ABTB2: variants seen among roughly 807,000 people sequenced by gnomAD.
The protein encoded by ABTB2 is ankyrin repeat and BTB/POZ domain-containing protein 2.
Under a neutral mutation model 104.1 loss-of-function variants are expected in ABTB2, and 56 were observed. The observed-to-expected ratio is 0.54, with a 90% CI of 0.43 to 0.67. The LOEUF is 0.67. Among genes scored for constraint, ABTB2 ranks in the 30% least tolerant of loss-of-function variants. The probability of loss-of-function intolerance (pLI) is 0.00; values close to 1 mark genes in which losing one functional copy is unlikely to be tolerated. For synonymous variants in ABTB2, 606 were observed against 608.2 expected (o/e 1.00, Z 0.05); for missense variants, 1,279 against 1,407.7 (o/e 0.91, Z 1.46).
At chr11:34,353,389 G>T (rs1258005018) in intron 1 of ABTB2, among the ~76,000 whole-genome samples, 2 of 152,160 alleles carry the variant, frequency 1.3e-5, no homozygotes, top group African/African-American at 4.8e-5. Context: ...GAGGAGAGAG[G>T]AGAGTAGGGA....
chr11:34,335,205 T>A, intron 1 of ABTB2: 1 of 1,270,452 alleles, frequency 7.9e-7, no homozygotes. Flanking sequence ...CCAGAGACTA[T>A]GACGAATCAC....
Position 34,356,006 on chromosome 11 carries a change from G to A in ABTB2, c.883+695C>T, listed in dbSNP as rs978688379. Among the ~76,000 whole-genome samples the A allele has an allele frequency of 8.5e-5, 13 of 152,200 alleles. No homozygotes were observed. The highest frequency in any genetic ancestry group is 1.8e-4 in the Non-Finnish European group (12 of 68,038). On this transcript the variant is annotated intron_variant, in intron 1 of 16. Coordinates refer to ENST00000435224, the MANE Select transcript of ABTB2 (RefSeq NM_145804.3). This position sits in a 1 kb window ranked among gnomAD's most constrained non-coding sequence, Gnocchi z 4.6. ...GTTTTAACCAATGGCTCACTTGGTT[G>A]GTGACAGCTTGGAAAAATCAGGTCT... is the stretch of plus-strand genomic sequence containing the variant.
intron 3 of ABTB2, among the ~76,000 whole-genome samples, chr11:34,174,494 C>T (rs955465637): frequency 1.3e-5 from 2 of 152,258 alleles, no homozygotes; most frequent in African/African-American, 4.8e-5. Context: ...ATGAGGCCCG[C>T]TCTGTGCCAC....
chr11:34,330,422 T>C (rs1230097504), intron 1 of ABTB2, among the ~76,000 whole-genome samples: 1 of 152,154 alleles, frequency 6.6e-6, no homozygotes, highest in East Asian at 1.9e-4. Flanking sequence ...TTAAATAAGG[T>C]AAAGTTTATA....
At chr11:34,174,597 G>T (rs935534238) in intron 3 of ABTB2, among the ~76,000 whole-genome samples, 3 of 152,290 alleles carry the variant, frequency 2.0e-5, no homozygotes, top group Admixed American at 2.0e-4. Flanking sequence ...AGATTCAGCT[G>T]GGGGGCGGGG....
In ABTB2 at chr11:34,152,593, CAG is replaced by C. The variant is rs1852560137; in HGVS notation, c.2881-11_2881-10del. On this transcript the variant is annotated splice_polypyrimidine_tract_variant and intron_variant, in intron 16 of 16. Transcript: ENST00000435224. ...TCTGGGGCATTGTGGATCTGTAGGG[CAG>C]AGAGAGGAGGGGTGAAGCCCATCGC... The C allele has an allele frequency of 6.3e-7, 1 of 1,588,768 alleles. No homozygotes were observed.
intron 1 of ABTB2, among the ~76,000 whole-genome samples, chr11:34,216,400 A>G (rs1400443596): frequency 1.3e-5 from 2 of 152,188 alleles, no homozygotes; most frequent in Non-Finnish European, 2.9e-5. Flanking sequence ...TAAGAATGTC[A>G]TATAGTTGGA....
chr11:34,300,215 C>T (rs1057407340), intron 1 of ABTB2, among the ~76,000 whole-genome samples: 2 of 152,234 alleles, frequency 1.3e-5, no homozygotes, highest in Non-Finnish European at 2.9e-5. Flanking sequence ...ACCCTTGCTT[C>T]ACAAGTTGTG....
chr11:34,289,086 A>C (rs931776962), intron 1 of ABTB2, among the ~76,000 whole-genome samples: 1 of 152,216 alleles, frequency 6.6e-6, no homozygotes, highest in African/African-American at 2.4e-5. Context: ...TAAATCTATG[A>C]ACAGTTAAGT....
At chr11:34,334,099 G>C (rs1355504501) in intron 1 of ABTB2, among the ~76,000 whole-genome samples, 2 of 151,616 alleles carry the variant, frequency 1.3e-5, no homozygotes, top group African/African-American at 4.9e-5. Flanking sequence ...ATCACACCAA[G>C]GCAAACACTA....
intron 3 of ABTB2, among the ~76,000 whole-genome samples, 169 bp downstream of exon 3, chr11:34,197,156 T>C (rs549618652): frequency 6.6e-6 from 1 of 152,308 alleles, no homozygotes; most frequent in East Asian, 1.9e-4. Flanking sequence ...TGCACACCAG[T>C]GCAGGCCTTC....
chr11:34,229,330 A>T (rs961664466), intron 1 of ABTB2, among the ~76,000 whole-genome samples: 2 of 151,278 alleles, frequency 1.3e-5, no homozygotes, highest in African/African-American at 4.9e-5. Context: ...AAATACAAAA[A>T]ATTAGCCAGG....
intron 10 of ABTB2, 43 bp from the exon 11 acceptor site, chr11:34,161,124 G>C (rs375860359): frequency 2.6e-6 from 4 of 1,543,494 alleles, no homozygotes; most frequent in Non-Finnish European, 3.5e-6. Context: ...CACCACAGCT[G>C]AGCGCTCCCG....
intron 14 of ABTB2, among the ~76,000 whole-genome samples, chr11:34,158,217 A>G (rs944589680): frequency 6.6e-6 from 1 of 152,250 alleles, no homozygotes; most frequent in African/African-American, 2.4e-5. Flanking sequence ...GATCGAGACC[A>G]TCCTGGCTAA....
chr11:34,195,435 T>C (rs894256950), intron 3 of ABTB2, among the ~76,000 whole-genome samples: 2 of 152,248 alleles, frequency 1.3e-5, no homozygotes, highest in African/African-American at 2.4e-5. Context: ...TGCAGCCTTC[T>C]TGCTGTGTCA....
chr11:34,194,336 C>T (rs374538743), intron 3 of ABTB2, among the ~76,000 whole-genome samples: 22 of 152,298 alleles, frequency 1.4e-4, no homozygotes, highest in African/African-American at 2.2e-4. Context: ...TCAGGGGCTC[C>T]GTCCAATTCT....
chr11:34,272,706 C>CAAAAAAAA (rs35638814), intron 1 of ABTB2, among the ~76,000 whole-genome samples: 625 of 40,178 alleles, frequency 0.016, 2 homozygotes, highest in Non-Finnish European at 0.021. Context: ...GACTCCGTCT[C>CAAAAAAAA]AAAAAAAAAA....
chr11:34,295,438 T>G (rs938144086), intron 1 of ABTB2, among the ~76,000 whole-genome samples: 4 of 152,182 alleles, frequency 2.6e-5, no homozygotes, highest in Non-Finnish European at 5.9e-5. Flanking sequence ...GAAATTCTTC[T>G]GATTGCTTCT....
intron 1 of ABTB2, among the ~76,000 whole-genome samples, chr11:34,287,344 TTGAGACCAGCC>T (rs1475654633): frequency 6.6e-6 from 1 of 152,060 alleles, no homozygotes; most frequent in Non-Finnish European, 1.5e-5. Flanking sequence ...GGCCAGGAGT[TTGAGACCAGCC>T]TGAGACCAGC....
Sources: gnomAD v4.1 joint callset for allele counts (sites outside exome capture counted in the v4.1 genomes callset) on GRCh38, gnomAD v4.1.1 for gene constraint, Gnocchi (gnomAD v3.1) non-coding constraint, MANE v1.5 for transcripts, NCBI Gene and HGNC (gene_info 2026-07-23, HGNC 2026-07-21) for gene names.